FRMD4A: variants seen among roughly 807,000 people sequenced by gnomAD.
The protein encoded by FRMD4A is FERM domain-containing protein 4A.
Under a neutral mutation model 129.1 loss-of-function variants are expected in FRMD4A, and 29 were observed. That is an observed-to-expected ratio of 0.22 (90% CI 0.17 to 0.31). The LOEUF (loss-of-function observed/expected upper bound fraction) is 0.31. Ranked by LOEUF, FRMD4A falls within the 10% of genes least tolerant of loss-of-function variation. The pLI, the probability that FRMD4A is intolerant of heterozygous loss-of-function variation, is 1.00. For missense variants in FRMD4A, 1,272 were observed against 1,375.8 expected (o/e 0.92, Z 1.19); for synonymous variants, 634 against 571.6 (o/e 1.11, Z -1.56).
chr10:13,921,063 A>C (rs894925676), intron 2 of FRMD4A, among the ~76,000 whole-genome samples: 11 of 152,146 alleles, frequency 7.2e-5, no homozygotes. Context: ...TATTTCCCAC[A>C]GTTCTGGAAG....
intron 2 of FRMD4A, among the ~76,000 whole-genome samples, chr10:14,094,415 A>G (rs1228218973): frequency 1.3e-5 from 2 of 152,306 alleles, no homozygotes; most frequent in East Asian, 3.9e-4. Flanking sequence ...AAATGTAATG[A>G]TGTGCCGCTA....
intron 2 of FRMD4A, among the ~76,000 whole-genome samples, chr10:14,253,756 C>T (rs773531944): frequency 1.3e-5 from 2 of 152,132 alleles, no homozygotes; most frequent in East Asian, 1.9e-4. Context: ...TTTCCTTCTC[C>T]CTCCTCTTAT....
intron 2 of FRMD4A, among the ~76,000 whole-genome samples, chr10:14,185,973 A>G (rs1842131528): frequency 6.6e-6 from 1 of 152,190 alleles, no homozygotes; most frequent in Non-Finnish European, 1.5e-5. Flanking sequence ...GGAAAAGCAC[A>G]AGGCCAGAGG....
chr10:14,088,138 C>T (rs1378760219), intron 2 of FRMD4A, among the ~76,000 whole-genome samples: 1 of 151,966 alleles, frequency 6.6e-6, no homozygotes. Context: ...GAAAATAGGG[C>T]TGTTTTGAGG....
intron 2 of FRMD4A, among the ~76,000 whole-genome samples, chr10:14,104,445 C>A (rs1037801222): frequency 3.3e-5 from 5 of 152,208 alleles, no homozygotes; most frequent in African/African-American, 9.6e-5. Flanking sequence ...AGTCTAGAAC[C>A]CCAATCTACT....
chr10:13,804,984 TAAAC>T (rs1276043077), intron 4 of FRMD4A, among the ~76,000 whole-genome samples: 1 of 152,212 alleles, frequency 6.6e-6, no homozygotes, highest in East Asian at 1.9e-4. Context: ...TCTAGGTTCT[TAAAC>T]TAACATCCTG....
At chr10:14,030,095 C>T (rs533688173) in intron 2 of FRMD4A, among the ~76,000 whole-genome samples, 12 of 152,194 alleles carry the variant, frequency 7.9e-5, no homozygotes, top group Admixed American at 5.9e-4. Flanking sequence ...TTTCCAGGAG[C>T]TGGAGGAGGG....
chr10:13,747,779 G>A lies in FRMD4A; in HGVS notation c.505C>T (p.Leu169Phe). 1 of 1,607,396 alleles carries A rather than the reference G, an allele frequency of 6.2e-7. No homozygotes were observed. Among genetic ancestry groups the A allele is most frequent in the Non-Finnish European group, 8.5e-7 (1 of 1,174,070 alleles). The stretch of plus-strand genomic sequence containing the variant: ...TGCTCCTTCAGGGCTTGGGTGGGAA[G>A]GGCTGGCAGCTTCTTCAAGTCACTC... The part of the protein sequence containing the change: ...VRSDLKKLPA[L>F]PTQALKEHPS... Residue 169 changes from leucine (L) to phenylalanine (F), a missense_variant, in exon 9 of 25, where the codon CTT becomes TTT. Coordinates refer to ENST00000357447, the MANE Select transcript of FRMD4A (RefSeq NM_018027.5).
intron 9 of FRMD4A, among the ~76,000 whole-genome samples, chr10:13,747,522 C>T (rs568060608): frequency 0.052 from 2,872 of 55,740 alleles, 42 homozygotes; most frequent in Non-Finnish European, 0.073. Flanking sequence ...AAGTGAGATC[C>T]GTCTCAAAAA....
chr10:14,136,104 A>G (rs1294985768), intron 2 of FRMD4A, among the ~76,000 whole-genome samples: 1 of 152,182 alleles, frequency 6.6e-6, no homozygotes, highest in Admixed American at 6.5e-5. Context: ...CCAAGTGCTC[A>G]TAATTCGTGT....
At chr10:13,808,844 G>T (rs957268293) in intron 4 of FRMD4A, among the ~76,000 whole-genome samples, 4 of 152,168 alleles carry the variant, frequency 2.6e-5, no homozygotes, top group Non-Finnish European at 1.5e-5. Context: ...GATGGAAATG[G>T]CTGCACTTTC....
chr10:14,151,618 G>GC, intron 2 of FRMD4A, among the ~76,000 whole-genome samples: 1 of 152,182 alleles, frequency 6.6e-6, no homozygotes, highest in South Asian at 2.1e-4. Context: ...CATGTGATAA[G>GC]CAAGGACATG....
In FRMD4A at chr10:13,762,661, C is replaced by G; in HGVS notation, c.404G>C (p.Ser135Thr). 3 of 1,608,166 alleles carry G rather than the reference C, an allele frequency of 1.9e-6. No individual in the cohort carries two copies. The highest frequency in any genetic ancestry group is 2.6e-6 in the Non-Finnish European group (3 of 1,174,714). Residue 135 changes from serine to threonine, a missense_variant, in exon 7 of 25, where the codon AGC becomes ACC. By Grantham distance (58) the Ser-to-Thr change is moderately conservative. Coordinates refer to ENST00000357447, the MANE Select transcript of FRMD4A (RefSeq NM_018027.5). The stretch of plus-strand genomic sequence containing the variant: ...GGAAGCTAATTCAAACACCACTTCG[C>G]TGTCAACGTCAATAAGCTCCTGAAA... ...CIYKELIDVD[S>T]EVVFELASYI... is the part of the protein sequence containing the mutation.
chr10:13,660,826 G>C (rs2082585238), intron 19 of FRMD4A, among the ~76,000 whole-genome samples: 1 of 152,194 alleles, frequency 6.6e-6, no homozygotes. Flanking sequence ...AGTGAAGTCT[G>C]AACGTCATTA....
At position 14,047,875 on chromosome 10, in the gene FRMD4A, G is replaced by A. The variant is rs377023372; in HGVS notation, c.46-188963C>T. Among the ~76,000 whole-genome samples, 38 of 152,306 alleles carry A rather than the reference G, an allele frequency of 2.5e-4. No individual in the cohort carries two copies. The South Asian group carries it at 7.5e-3, about 30-fold the overall frequency. On this transcript the variant is annotated intron_variant, in intron 2 of 24. Transcript: ENST00000357447. ...TGTGTCATTGCGCTTCCCAGCTGCA[G>A]GGCCTGTGTAGACTATTGAAGTTAG...
intron 2 of FRMD4A, among the ~76,000 whole-genome samples, chr10:14,198,519 G>A (rs994562966): frequency 6.6e-6 from 1 of 152,252 alleles, no homozygotes; most frequent in Non-Finnish European, 1.5e-5. Flanking sequence ...TGAGGAGCAA[G>A]CCAATTTCAC....
At chr10:13,929,368 C>A (rs2131280303) in intron 2 of FRMD4A, among the ~76,000 whole-genome samples, 1 of 152,238 alleles carries the variant, frequency 6.6e-6, no homozygotes, top group South Asian at 2.1e-4. Flanking sequence ...ACCTGGACAC[C>A]CTTTGTGTCC....
At chr10:14,298,213 AT>A (rs1284580396) in intron 2 of FRMD4A, among the ~76,000 whole-genome samples, 2 of 152,212 alleles carry the variant, frequency 1.3e-5, no homozygotes, top group East Asian at 3.8e-4. Flanking sequence ...TCTGCACCAT[AT>A]CAAAAACTCC....
intron 19 of FRMD4A, among the ~76,000 whole-genome samples, chr10:13,663,166 G>A: frequency 6.6e-6 from 1 of 151,166 alleles, no homozygotes; most frequent in East Asian, 1.9e-4. Flanking sequence ...CTCCAGCCTG[G>A]GCAATAGTGT....
Sources: allele counts gnomAD v4.1 joint callset (sites outside exome capture counted in the v4.1 genomes callset), GRCh38; gene constraint gnomAD v4.1.1; transcripts MANE v1.5; gene names NCBI Gene and HGNC (gene_info 2026-07-23, HGNC 2026-07-21).